The following ATF2 variants were observed in gnomAD, a reference collection of about 807,000 sequenced individuals.
The protein encoded by ATF2 is cyclic AMP-dependent transcription factor ATF-2.
In ATF2, 24 loss-of-function variants were observed where a neutral mutation model predicts 60.6. The observed-to-expected ratio is 0.40, with a 90% CI of 0.29 to 0.56. The LOEUF (loss-of-function observed/expected upper bound fraction) is 0.56, where lower values mean the gene tolerates loss of function less well. Among genes scored for constraint, ATF2 ranks in the 20% least tolerant of loss-of-function variants. The pLI, the probability that ATF2 is intolerant of heterozygous loss-of-function variation, is 0.54. For missense variants in ATF2, 433 were observed against 607.7 expected (o/e 0.71, Z 3.02); for synonymous variants, 206 against 215.4 (o/e 0.96, Z 0.38).
At chr2:175,164,617 C>A (rs537120755) in intron 1 of ATF2, among the ~76,000 whole-genome samples, 4 of 152,156 alleles carry the variant, frequency 2.6e-5, no homozygotes, top group Non-Finnish European at 5.9e-5. Context: ...CTATCTTATA[C>A]CTTACTATAT....
At chr2:175,163,724 A>G (rs1288692516) in intron 1 of ATF2, among the ~76,000 whole-genome samples, 2 of 151,884 alleles carry the variant, frequency 1.3e-5, no homozygotes. Context: ...CAGGTTCGAG[A>G]CCAGCCTGGC....
At chr2:175,125,805 A>G (rs997132281) in intron 4 of ATF2, among the ~76,000 whole-genome samples, 1 of 152,162 alleles carries the variant, frequency 6.6e-6, no homozygotes, top group African/African-American at 2.4e-5. Context: ...AAAACTGTGC[A>G]GTATGGTCCC....
chr2:175,095,868 G>C (rs935773404), intron 11 of ATF2, among the ~76,000 whole-genome samples: 1 of 152,108 alleles, frequency 6.6e-6, no homozygotes, highest in Non-Finnish European at 1.5e-5. Flanking sequence ...TACTTAACTT[G>C]CAGACCACAC....
intron 13 of ATF2, among the ~76,000 whole-genome samples, chr2:175,076,873 T>C (rs995204041): frequency 2.6e-5 from 4 of 152,070 alleles, no homozygotes; most frequent in Non-Finnish European, 5.9e-5. Flanking sequence ...CGTATACATA[T>C]GCCATGTTGG....
At chr2:175,141,955 C>A (rs1304882536) in intron 2 of ATF2, among the ~76,000 whole-genome samples, 1 of 151,802 alleles carries the variant, frequency 6.6e-6, no homozygotes, top group African/African-American at 2.4e-5. Flanking sequence ...AGAGCACTAA[C>A]AATTGCTCCC....
chr2:175,145,168 C>T (rs1698864367), intron 2 of ATF2, among the ~76,000 whole-genome samples: 1 of 152,104 alleles, frequency 6.6e-6, no homozygotes, highest in African/African-American at 2.4e-5. Context: ...CTGAGAGGGC[C>T]TGGGAACACT....
At chr2:175,158,023 T>A (rs1221336605) in intron 1 of ATF2, among the ~76,000 whole-genome samples, 1 of 151,680 alleles carries the variant, frequency 6.6e-6, no homozygotes, top group Non-Finnish European at 1.5e-5. Context: ...TCTGTCATCA[T>A]GTAGGCACAG....
chr2:175,115,371 CTA>C (rs1243545476), intron 7 of ATF2, among the ~76,000 whole-genome samples: 1 of 152,100 alleles, frequency 6.6e-6, no homozygotes, highest in Non-Finnish European at 1.5e-5. Flanking sequence ...GCTACCTCTT[CTA>C]TATCAATAAT....
intron 10 of ATF2, among the ~76,000 whole-genome samples, chr2:175,109,134 T>C (rs979107699): frequency 7.7e-6 from 1 of 130,024 alleles, no homozygotes; most frequent in Non-Finnish European, 1.5e-5. Flanking sequence ...CCCTGCCAAA[T>C]TCCCCTCTGT....
At chr2:175,108,103 A>G (rs2105657522) in intron 10 of ATF2, among the ~76,000 whole-genome samples, 1 of 149,698 alleles carries the variant, frequency 6.7e-6, no homozygotes, top group Non-Finnish European at 1.5e-5. Context: ...CCCGGCCGCC[A>G]TCCCATCTAG....
At chr2:175,166,670 T>G (rs1393415618) in intron 1 of ATF2, among the ~76,000 whole-genome samples, 1 of 152,218 alleles carries the variant, frequency 6.6e-6, no homozygotes, top group Non-Finnish European at 1.5e-5. Flanking sequence ...TTCATAATTT[T>G]GATTCAAGAG....
intron 10 of ATF2, among the ~76,000 whole-genome samples, chr2:175,108,295 G>A (rs1444305304): frequency 6.6e-5 from 10 of 151,852 alleles, no homozygotes; most frequent in Non-Finnish European, 7.4e-5. Context: ...GTCTCCGTCC[G>A]GCAGCCACCC....
At chr2:175,116,547 C>T (rs1462433593) in intron 7 of ATF2, among the ~76,000 whole-genome samples, 1 of 151,784 alleles carries the variant, frequency 6.6e-6, no homozygotes, top group East Asian at 1.9e-4. Context: ...TACCTATGCC[C>T]ATAGAAATTT....
intron 2 of ATF2, among the ~76,000 whole-genome samples, chr2:175,142,220 CTT>C (rs1698596469): frequency 7.0e-6 from 1 of 142,798 alleles, no homozygotes; most frequent in Non-Finnish European, 1.5e-5. Context: ...GACTCTCGCT[CTT>C]GTCGCCCAGG....
At position 175,142,718 on chromosome 2, in the gene ATF2, A is replaced by AGTGT. The variant is rs777398795; in HGVS notation, c.-43-6233_-43-6232insACAC. On this transcript the variant is annotated intron_variant, in intron 2 of 13. Coordinates refer to ENST00000264110, the MANE Select transcript of ATF2 (RefSeq NM_001880.4). ...GAGAGAGAGAGAGAGAGAGAGAGAG[A>AGTGT]GAGTGTGTGTGTGTGTGTGTGTGTG... Among the ~76,000 whole-genome samples the AGTGT allele has an allele frequency of 7.8e-3, 882 of 113,384 alleles. 1 individual carries two copies. Among genetic ancestry groups the AGTGT allele is most frequent in the African/African-American group, 0.011 (303 of 27,316 alleles). 74.4% of individuals were successfully genotyped at this position (113,384 alleles called of 152,430 possible). A position where few individuals can be genotyped will look rare whatever the true frequency, so the allele number is the denominator to read the frequency against.
At chr2:175,104,744 AACCAAT>A (rs1198085387) in intron 10 of ATF2, among the ~76,000 whole-genome samples, 1 of 152,234 alleles carries the variant, frequency 6.6e-6, no homozygotes, top group Non-Finnish European at 1.5e-5. Context: ...TAAAAAAGTA[AACCAAT>A]ACCACTGACA....
chr2:175,166,588 G>C (rs1417152353), intron 1 of ATF2, among the ~76,000 whole-genome samples: 1 of 152,190 alleles, frequency 6.6e-6, no homozygotes, highest in Non-Finnish European at 1.5e-5. Context: ...AACTGCTTCT[G>C]TGTTTGTACT....
chr2:175,113,455 A>G (rs1001969181), intron 9 of ATF2, among the ~76,000 whole-genome samples: 3 of 152,030 alleles, frequency 2.0e-5, no homozygotes, highest in Admixed American at 2.0e-4. Flanking sequence ...ATAGTTAACT[A>G]TTTTGTCTAC....
intron 10 of ATF2, among the ~76,000 whole-genome samples, chr2:175,108,725 G>C (rs909720189): frequency 6.6e-6 from 1 of 152,188 alleles, no homozygotes; most frequent in Non-Finnish European, 1.5e-5. Flanking sequence ...GCGGTTTTGC[G>C]GAATAGAAAA....
Sources: gnomAD v4.1 joint callset for allele counts (sites outside exome capture counted in the v4.1 genomes callset) on GRCh38, gnomAD v4.1.1 for gene constraint, MANE v1.5 for transcripts, NCBI Gene and HGNC (gene_info 2026-07-23, HGNC 2026-07-21) for gene names.